The following FGGY variants were observed in gnomAD, a reference collection of about 807,000 sequenced individuals.
FGGY encodes the protein FGGY carbohydrate kinase domain containing.
A neutral mutation model predicts 71.3 loss-of-function variants in FGGY; 72 were observed. The ratio of observed to expected loss-of-function variants is 1.01; its 90% CI spans 0.84 to 1.23. FGGY has a LOEUF of 1.23. Ranked by LOEUF, FGGY falls within the 50% of genes most tolerant of loss-of-function variation. FGGY has a pLI of 0.00. For missense variants in FGGY, 668 were observed against 682.3 expected (o/e 0.98, Z 0.23); for synonymous variants, 251 against 250.3 (o/e 1.00, Z -0.02).
intron 11 of FGGY, among the ~76,000 whole-genome samples, chr1:59,651,342 G>T (rs1300543023): frequency 6.6e-6 from 1 of 150,908 alleles, no homozygotes; most frequent in Admixed American, 6.6e-5. Flanking sequence ...GTCTAATGTT[G>T]ACAGTGGGGT....
rs557515320 is a variant in FGGY, at chr1:59,623,410, A to G, written c.1012-2578A>G. ...CCTACAGTAATCCTATGACCAATGT[A>G]TGCACAACACAAATAGATACAAATG... On this transcript the variant is annotated intron_variant, in intron 9 of 15. Transcript: ENST00000303721. 9.9e-5 allele frequency among the ~76,000 whole-genome samples: 15 copies of G among 152,278 alleles called. No homozygotes were observed. In the South Asian group the frequency reaches 2.7e-3, roughly 27 times the overall value.
chr1:59,423,795 T>C (rs1468748056), intron 5 of FGGY, among the ~76,000 whole-genome samples: 2 of 152,196 alleles, frequency 1.3e-5, no homozygotes, highest in African/African-American at 4.8e-5. Context: ...CATGTCTCTG[T>C]TTCTCCAGCT....
intron 2 of FGGY, 28 bp downstream of exon 2, chr1:59,321,778 T>G (rs2046430942): frequency 2.5e-6 from 4 of 1,593,146 alleles, no homozygotes; most frequent in South Asian, 1.1e-5. Flanking sequence ...GTTCTCTCCT[T>G]GTTCATATTC....
At position 59,346,277 on chromosome 1, in the gene FGGY, T is replaced by G. The variant is rs970069540; in HGVS notation, c.344T>G (p.Leu115Arg). The G allele has an allele frequency of 6.2e-7, 1 of 1,612,910 alleles. No individual in the cohort carries two copies. Among genetic ancestry groups the G allele is most frequent in the Admixed American group, 1.7e-5 (1 of 59,992 alleles). ...GDSHRNVIMWLDHRAVSQVNR... is the reference protein window; with the variant it reads ...GDSHRNVIMWRDHRAVSQVNR... ...TCCCATCGAAACGTCATCATGTGGC[T>G]GGACCATCGAGCAGTCAGTCAAGTT... is the stretch of plus-strand genomic sequence containing the variant. The change falls in exon 4 of 16, where the codon CTG (leucine) becomes CGG (arginine). Residue 115 changes from leucine (L) to arginine (R), a missense_variant. Around this residue, in one of 2 missense-constraint regions of FGGY, gnomAD observed 661 missense variants for 661.6 expected, o/e 1.00. Transcript: ENST00000303721.
chr1:59,557,744 T>C (rs1484099437), intron 8 of FGGY, among the ~76,000 whole-genome samples: 1 of 152,174 alleles, frequency 6.6e-6, no homozygotes, highest in Non-Finnish European at 1.5e-5. Context: ...TGGGGTAAGA[T>C]GGAGCTGATC....
chr1:59,432,097 C>G (rs2067487741), intron 5 of FGGY, among the ~76,000 whole-genome samples: 1 of 152,086 alleles, frequency 6.6e-6, no homozygotes, highest in Non-Finnish European at 1.5e-5. Flanking sequence ...AGCAATCATG[C>G]CTGTGTGATG....
chr1:59,535,370 C>A (rs2153672611), intron 7 of FGGY, among the ~76,000 whole-genome samples: 1 of 152,256 alleles, frequency 6.6e-6, no homozygotes, highest in South Asian at 2.1e-4. Flanking sequence ...TAGACTCCCA[C>A]ACATTAATAA....
chr1:59,354,290 G>T (rs2053867606), intron 4 of FGGY, among the ~76,000 whole-genome samples: 1 of 152,142 alleles, frequency 6.6e-6, no homozygotes, highest in Non-Finnish European at 1.5e-5. Context: ...TGTTGCCCAG[G>T]CTGGTCTCAA....
chr1:59,388,672 A>G (rs984609479), intron 5 of FGGY, among the ~76,000 whole-genome samples: 3 of 152,178 alleles, frequency 2.0e-5, no homozygotes, highest in Non-Finnish European at 4.4e-5. Context: ...TGTATATAGT[A>G]TACATAATTA....
chr1:59,380,455 C>T (rs2059275056), intron 5 of FGGY, among the ~76,000 whole-genome samples: 2 of 151,568 alleles, frequency 1.3e-5, no homozygotes, highest in Admixed American at 6.6e-5. Context: ...TCTCCGGCAC[C>T]TGTTGTTTCC....
intron 5 of FGGY, among the ~76,000 whole-genome samples, chr1:59,380,606 G>A (rs1443933284): frequency 6.6e-6 from 1 of 151,612 alleles, no homozygotes; most frequent in African/African-American, 2.4e-5. Flanking sequence ...TTTGAGAAGT[G>A]TCTGTTCATA....
chr1:59,511,507 C>G (rs1257840824), intron 6 of FGGY, among the ~76,000 whole-genome samples: 1 of 152,130 alleles, frequency 6.6e-6, no homozygotes, highest in Non-Finnish European at 1.5e-5. Context: ...TCATTTCATT[C>G]TATTCTGTCT....
In FGGY at chr1:59,554,158, C is replaced by G; in HGVS notation, c.834C>G (p.Leu278=). The G allele has an allele frequency of 2.5e-6, 4 of 1,613,374 alleles. No homozygotes were observed. The highest frequency in any genetic ancestry group is 2.7e-5 in the African/African-American group (2 of 75,044). ...VIGADVRGHG[L]ICEGQPVTSR... is the part of the protein sequence containing the mutation. ...GGGCAGATGTGAGAGGGCACGGCCT[C>G]ATCTGTGAGGGGCAGCCAGTGACGT... The change falls in exon 8 of 16, where the codon CTC becomes CTG. Residue 278 remains leucine, a synonymous_variant. Coordinates refer to ENST00000303721, the MANE Select transcript of FGGY (RefSeq NM_018291.5).
intron 14 of FGGY, among the ~76,000 whole-genome samples, chr1:59,723,659 A>G (rs967584399): frequency 1.6e-4 from 24 of 152,190 alleles, no homozygotes; most frequent in African/African-American, 5.8e-4. Flanking sequence ...CCCACCACAC[A>G]GAGTGAGATC....
In FGGY at chr1:59,553,932, G is replaced by A. The variant is rs140949223; in HGVS notation, c.800-192G>A. 9.8e-5 allele frequency: 44 copies of A among 448,510 alleles called. 2 individuals carry two copies. The highest frequency in any genetic ancestry group is 7.6e-4 in the African/African-American group (39 of 51,264). The allele number at this position is 448,510 out of a possible 1,614,324, so 27.8% of individuals were successfully genotyped here. On this transcript the variant is annotated intron_variant, in intron 7 of 15. Transcript: ENST00000303721. The stretch of plus-strand genomic sequence containing the variant: ...TTGACCAGAACAAAGCAAAATCTGA[G>A]CAGGCTTCCGAGGTTTCCTATGCAG...
intron 5 of FGGY, among the ~76,000 whole-genome samples, chr1:59,414,583 T>G (rs1032670852): frequency 5.3e-5 from 8 of 152,112 alleles, no homozygotes; most frequent in African/African-American, 1.9e-4. Flanking sequence ...GTGAAACAGG[T>G]GGCACATTTA....
At chr1:59,517,337 C>T (rs2094690283) in intron 7 of FGGY, among the ~76,000 whole-genome samples, 1 of 139,760 alleles carries the variant, frequency 7.2e-6, no homozygotes, top group African/African-American at 2.7e-5. Flanking sequence ...GGGATCTCGG[C>T]TCACTGCAAG....
At chr1:59,335,432 C>T (rs1477697629) in intron 2 of FGGY, among the ~76,000 whole-genome samples, 1 of 152,074 alleles carries the variant, frequency 6.6e-6, no homozygotes, top group Non-Finnish European at 1.5e-5. Context: ...ATATACAATA[C>T]TTTATTTAAC....
At chr1:59,355,455 A>G (rs1161715352) in intron 4 of FGGY, among the ~76,000 whole-genome samples, 1 of 152,194 alleles carries the variant, frequency 6.6e-6, no homozygotes, top group Non-Finnish European at 1.5e-5. Flanking sequence ...TTTTAGCACA[A>G]TGCTCATGCT....
Sources: allele counts gnomAD v4.1 joint callset (sites outside exome capture counted in the v4.1 genomes callset), GRCh38; gene constraint gnomAD v4.1.1; regional missense constraint gnomAD v4.1.1; transcripts MANE v1.5; gene names NCBI Gene and HGNC (gene_info 2026-07-23, HGNC 2026-07-21).